The following SOX5 variants were observed in gnomAD, a reference collection of about 807,000 sequenced individuals.
SOX5 encodes the protein transcription factor SOX-5.
SOX5 carries 9 observed loss-of-function variants against 92.0 expected under a neutral mutation model. That is an observed-to-expected ratio of 0.10 (90% CI 0.06 to 0.17). The LOEUF (loss-of-function observed/expected upper bound fraction) is 0.17. SOX5 is among the 10% of genes least tolerant of loss of function. The probability of loss-of-function intolerance (pLI) is 1.00; values close to 1 mark genes in which losing one functional copy is unlikely to be tolerated. For missense variants in SOX5, 642 were observed against 944.5 expected (o/e 0.68, Z 4.20); for synonymous variants, 344 against 336.3 (o/e 1.02, Z -0.25).
At chr12:24,348,678 C>G (rs1953664309) in intron 2 of SOX5, among the ~76,000 whole-genome samples, 2 of 152,116 alleles carry the variant, frequency 1.3e-5, no homozygotes, top group African/African-American at 2.4e-5. Flanking sequence ...GACACCACAC[C>G]CAGCCTGCTC....
chr12:24,477,140 T>C (rs1173283541), intron 1 of SOX5, among the ~76,000 whole-genome samples: 2 of 151,748 alleles, frequency 1.3e-5, no homozygotes, highest in African/African-American at 4.8e-5. Context: ...CTTTTTTTTT[T>C]TTTTTCCTGT....
intron 6 of SOX5, among the ~76,000 whole-genome samples, chr12:23,733,629 C>G (rs931995382): frequency 6.6e-6 from 1 of 151,984 alleles, no homozygotes; most frequent in Non-Finnish European, 1.5e-5. Flanking sequence ...AAATTAGGTG[C>G]GCCTGACTCA....
intron 2 of SOX5, among the ~76,000 whole-genome samples, chr12:24,354,729 G>A (rs183597537): frequency 2.0e-5 from 3 of 152,322 alleles, no homozygotes; most frequent in African/African-American, 7.2e-5. Context: ...TAACACAACA[G>A]GATGTCTGGT....
At chr12:23,752,662 C>T (rs1212323006) in intron 4 of SOX5, among the ~76,000 whole-genome samples, 2 of 151,800 alleles carry the variant, frequency 1.3e-5, no homozygotes, top group African/African-American at 4.8e-5. Flanking sequence ...AACTATGAGA[C>T]TCTAAAAGGT....
intron 4 of SOX5, among the ~76,000 whole-genome samples, chr12:24,047,832 C>T (rs1489119601): frequency 6.6e-6 from 1 of 152,166 alleles, no homozygotes; most frequent in Non-Finnish European, 1.5e-5. Context: ...GAAAGTCTCA[C>T]TTTTTAACAT....
intron 9 of SOX5, chr12:23,604,080 A>AT: frequency 4.3e-6 from 1 of 234,538 alleles, no homozygotes; most frequent in Non-Finnish European, 8.6e-6. Context: ...CTATTTGGCT[A>AT]TTTTTATAAA....
chr12:23,791,593 T>A (rs2095475931), intron 3 of SOX5, among the ~76,000 whole-genome samples: 1 of 152,146 alleles, frequency 6.6e-6, no homozygotes, highest in Non-Finnish European at 1.5e-5. Flanking sequence ...AAGTTCCTTA[T>A]CCACAACCTG....
intron 1 of SOX5, among the ~76,000 whole-genome samples, chr12:24,384,770 G>A (rs7972863): frequency 0.37 from 56,406 of 151,986 alleles, 10,588 homozygotes; most frequent in East Asian, 0.52. Context: ...TCATGGGAAT[G>A]TGTTGCCCCT....
chr12:24,254,521 T>G (rs1940787152), intron 3 of SOX5, among the ~76,000 whole-genome samples: 1 of 151,982 alleles, frequency 6.6e-6, no homozygotes, highest in Non-Finnish European at 1.5e-5. Context: ...TAATACAAAG[T>G]CTTTCATAAT....
At chr12:23,715,191 A>C (rs1380751914) in intron 6 of SOX5, among the ~76,000 whole-genome samples, 1 of 151,854 alleles carries the variant, frequency 6.6e-6, no homozygotes, top group Non-Finnish European at 1.5e-5. Context: ...CCCAGCTACT[A>C]GGGAGGCTGA....
chr12:23,974,219 A>G (rs567111394), intron 4 of SOX5, among the ~76,000 whole-genome samples: 39 of 152,276 alleles, frequency 2.6e-4, no homozygotes, highest in Middle Eastern at 3.4e-3. Context: ...AAGCAAAACC[A>G]CGGAACAGAG....
At chr12:23,598,713 T>C (rs543974225) in intron 9 of SOX5, among the ~76,000 whole-genome samples, 11 of 152,116 alleles carry the variant, frequency 7.2e-5, no homozygotes, top group Non-Finnish European at 1.6e-4. Context: ...TTGTGCTATA[T>C]CTTTAACAGA....
chr12:23,812,095 C>T (rs1338420834), intron 3 of SOX5, among the ~76,000 whole-genome samples: 3 of 151,928 alleles, frequency 2.0e-5, no homozygotes, highest in Non-Finnish European at 2.9e-5. Flanking sequence ...TCTTGAAGAC[C>T]TATCAAATCA....
At chr12:23,589,920 G>T (rs1472639257) in intron 9 of SOX5, among the ~76,000 whole-genome samples, 1 of 151,924 alleles carries the variant, frequency 6.6e-6, no homozygotes, top group African/African-American at 2.4e-5. Flanking sequence ...ACCCTCATGG[G>T]ACTGAGGATC....
At position 24,360,421 on chromosome 12, in the gene SOX5, A is replaced by C. The variant is rs531355264; in HGVS notation, c.-174+8142T>G. Among the ~76,000 whole-genome samples the C allele has an allele frequency of 2.0e-5, 3 of 152,330 alleles. No individual in the cohort carries two copies. In the East Asian group the frequency reaches 5.8e-4, roughly 29 times the overall value. Reference sequence around the variant, plus strand: ...TTTATTATTCTCATGGAAATTCTTTATGTCAACTAGGAAAATCAGCTCAAA... The same window carrying C: ...TTTATTATTCTCATGGAAATTCTTTCTGTCAACTAGGAAAATCAGCTCAAA... On this transcript the variant is annotated intron_variant, in intron 2 of 4. Transcript: ENST00000446891.
At chr12:24,298,797 A>AAAAG (rs1947602270) in intron 2 of SOX5, among the ~76,000 whole-genome samples, 1 of 149,746 alleles carries the variant, frequency 6.7e-6, no homozygotes, top group East Asian at 1.9e-4. Context: ...AAAAAAAAAA[A>AAAAG]AAACTACATT....
chr12:23,532,226 C>T lies in SOX5; in HGVS notation c.*1993G>A, dbSNP rs1456296203. 6.6e-6 allele frequency: 1 copy of T among 151,920 alleles called. No homozygotes were observed. The highest frequency in any genetic ancestry group is 2.1e-4 in the South Asian group (1 of 4,824). The allele number at this position is 151,920 out of a possible 1,614,324, so 9.4% of individuals were successfully genotyped here. ...AACAGAAAAACAAACAAAATGAAATCTCTGACATGCAGGATATGATCAGCT... is the reference window on the plus strand; with the variant it reads ...AACAGAAAAACAAACAAAATGAAATTTCTGACATGCAGGATATGATCAGCT... On this transcript the variant is annotated 3_prime_UTR_variant, in exon 15 of 15. Transcript: ENST00000451604.
At chr12:23,873,692 C>T (rs939057684) in intron 2 of SOX5, among the ~76,000 whole-genome samples, 19 of 152,020 alleles carry the variant, frequency 1.2e-4, no homozygotes, top group South Asian at 2.1e-4. Flanking sequence ...ATTATTTTTG[C>T]TTTAGATTAG....
chr12:23,768,898 G>A (rs888252481), intron 3 of SOX5, among the ~76,000 whole-genome samples: 2 of 152,054 alleles, frequency 1.3e-5, no homozygotes, highest in South Asian at 2.1e-4. Context: ...AAACAAAAAC[G>A]CTATTGTTCC....
Sources: gnomAD v4.1 joint callset for allele counts (sites outside exome capture counted in the v4.1 genomes callset) on GRCh38, gnomAD v4.1.1 for gene constraint, MANE v1.5 for transcripts, NCBI Gene and HGNC (gene_info 2026-07-23, HGNC 2026-07-21) for gene names.